C9: variants seen among roughly 807,000 people sequenced by gnomAD.
C9 encodes the protein complement component C9.
C9 carries 63 observed loss-of-function variants against 65.4 expected under a neutral mutation model. That is an observed-to-expected ratio of 0.96 (90% CI 0.79 to 1.19). C9 has a LOEUF of 1.19. Ranked by LOEUF, C9 falls within the 50% of genes most tolerant of loss-of-function variation. The pLI is 0.00. For missense variants in C9, 744 were observed against 670.1 expected, an observed-to-expected ratio of 1.11 and a Z score of -1.22; for synonymous variants, 229 against 227.9, an observed-to-expected ratio of 1.00 and a Z score of -0.04.
intron 4 of C9, among the ~76,000 whole-genome samples, chr5:39,337,896 A>C (rs978136949): frequency 6.6e-6 from 1 of 152,198 alleles, no homozygotes; most frequent in Non-Finnish European, 1.5e-5. Flanking sequence ...ATGTAGAAGA[A>C]TCTAACTGTA....
At chr5:39,304,044 A>G (rs1397986264) in intron 9 of C9, among the ~76,000 whole-genome samples, 1 of 152,192 alleles carries the variant, frequency 6.6e-6, no homozygotes, top group Non-Finnish European at 1.5e-5. Flanking sequence ...ATTTAATATT[A>G]GAAGTGTTTC....
chr5:39,286,242 C>G (rs1752989271), intron 10 of C9, among the ~76,000 whole-genome samples: 1 of 152,016 alleles, frequency 6.6e-6, no homozygotes, highest in Non-Finnish European at 1.5e-5. Flanking sequence ...GTTCATTATC[C>G]AGGGAAGACG....
chr5:39,347,457 A>C (rs1754223495), intron 1 of C9, among the ~76,000 whole-genome samples: 1 of 152,186 alleles, frequency 6.6e-6, no homozygotes, highest in Admixed American at 6.5e-5. Context: ...CAGGAATCCA[A>C]CTTACAAAGG....
In C9 at chr5:39,313,448, T is replaced by C. The variant is rs573804668; in HGVS notation, c.871-2071A>G. On this transcript the variant is annotated intron_variant, in intron 6 of 10. Coordinates refer to ENST00000263408, the MANE Select transcript of C9 (RefSeq NM_001737.5). ...TTGACACAGTTCATCACTCTCTTCT[T>C]CTTAATAGAGATTATTTTCTTGTCT... Among the ~76,000 whole-genome samples, 59 of 152,294 alleles carry C rather than the reference T, an allele frequency of 3.9e-4. 1 individual carries two copies. Among genetic ancestry groups the C allele is most frequent in the African/African-American group, 1.4e-3 (58 of 41,580 alleles).
At chr5:39,286,252 G>A (rs956318392) in intron 10 of C9, among the ~76,000 whole-genome samples, 9 of 151,878 alleles carry the variant, frequency 5.9e-5, no homozygotes, top group African/African-American at 1.7e-4. Flanking sequence ...CAGGGAAGAC[G>A]GGTTTCCACA....
At chr5:39,330,141 T>A (rs1320065650) in intron 5 of C9, among the ~76,000 whole-genome samples, 4 of 152,056 alleles carry the variant, frequency 2.6e-5, no homozygotes, top group Non-Finnish European at 5.9e-5. Context: ...TCACCTGAAC[T>A]AGTAAAAGGT....
chr5:39,286,172 T>C (rs1022888787), intron 10 of C9, among the ~76,000 whole-genome samples: 1 of 152,060 alleles, frequency 6.6e-6, no homozygotes, highest in Non-Finnish European at 1.5e-5. Context: ...CATAAAAATC[T>C]AGTGCAAGAC....
intron 1 of C9, among the ~76,000 whole-genome samples, chr5:39,352,389 C>T (rs1014001030): frequency 6.6e-6 from 1 of 152,228 alleles, no homozygotes; most frequent in African/African-American, 2.4e-5. Context: ...TTGGACCTTG[C>T]ACTTGAAGGT....
In C9 at chr5:39,315,700, A is replaced by G. The variant is rs1011416686; in HGVS notation, c.870+75T>C. 2.2e-5 allele frequency: 24 copies of G among 1,099,458 alleles called. No individual in the cohort carries two copies. In the African/African-American group the frequency reaches 3.5e-4, roughly 16 times the overall value. 68.1% of individuals were successfully genotyped at this position (1,099,458 alleles called of 1,614,324 possible). On this transcript the variant is annotated intron_variant, in intron 6 of 10. Transcript: ENST00000263408. The stretch of plus-strand genomic sequence containing the variant: ...GTTTCTTTTCCTTTTTATGATTTCT[A>G]TTTGCTCAAAATACTTAAAGAGTCT...
intron 1 of C9, among the ~76,000 whole-genome samples, chr5:39,352,996 G>A (rs1014574778): frequency 3.3e-5 from 5 of 152,112 alleles, no homozygotes; most frequent in African/African-American, 1.2e-4. Flanking sequence ...TATTTTGTTG[G>A]GCCCACTCTG....
intron 6 of C9, 37 bp from the exon 7 acceptor site, chr5:39,311,414 T>C (rs931150105): frequency 7.5e-6 from 12 of 1,599,914 alleles, no homozygotes; most frequent in Admixed American, 6.7e-5. Context: ...GAAACATGTG[T>C]TTTATCCACC....
chr5:39,305,064 T>C (rs747397079), intron 9 of C9, among the ~76,000 whole-genome samples: 10 of 152,172 alleles, frequency 6.6e-5, no homozygotes, highest in Non-Finnish European at 1.3e-4. Context: ...TTCACCTCGA[T>C]GTAAATATTC....
At chr5:39,348,923 G>A (rs1298986900) in intron 1 of C9, among the ~76,000 whole-genome samples, 4 of 141,508 alleles carry the variant, frequency 2.8e-5, no homozygotes, top group African/African-American at 5.2e-5. Flanking sequence ...TTGCAAGGAC[G>A]AAAAACCAAA....
Position 39,311,364 on chromosome 5 carries a change from A to G in C9, c.884T>C (p.Leu295Pro). The change falls in exon 7 of 11, where the codon CTG becomes CCG. Residue 295 changes from leucine (L) to proline (P), a missense_variant. Leu to Pro is a moderately conservative substitution (Grantham distance 98). Coordinates refer to ENST00000263408, the MANE Select transcript of C9 (RefSeq NM_001737.5). Reference protein sequence around the residue: ...SYSSKKEKMFLHVKGEIHLGR... With the variant: ...SYSSKKEKMFPHVKGEIHLGR... ...CAGATGAATTTCTCCTTTCACATGC[A>G]GAAACATTTTTTCCTGTGTTGTAGA... 1 of 1,612,472 alleles carries G rather than the reference A, an allele frequency of 6.2e-7. No individual in the cohort carries two copies. Among genetic ancestry groups the G allele is most frequent in the Non-Finnish European group, 8.5e-7 (1 of 1,179,084 alleles).
chr5:39,337,661 T>C (rs561272452), intron 4 of C9, among the ~76,000 whole-genome samples: 141 of 152,374 alleles, frequency 9.3e-4, no homozygotes, highest in African/African-American at 3.2e-3. Flanking sequence ...CAAAAAATAA[T>C]TCCTTGCATA....
chr5:39,355,304 A>G (rs1381660283), intron 1 of C9, among the ~76,000 whole-genome samples: 1 of 152,182 alleles, frequency 6.6e-6, no homozygotes, highest in East Asian at 1.9e-4. Context: ...AGGGCTATTC[A>G]TCTTTCCCAC....
At chr5:39,347,111 A>G (rs867707682) in intron 1 of C9, among the ~76,000 whole-genome samples, 1 of 152,246 alleles carries the variant, frequency 6.6e-6, no homozygotes, top group African/African-American at 2.4e-5. Flanking sequence ...AAAACTGGCA[A>G]AAGACAGGGA....
In C9 at chr5:39,292,252, A is replaced by G. The variant is rs185509638; in HGVS notation, c.1417-3301T>C. 2.9e-3 allele frequency among the ~76,000 whole-genome samples: 443 copies of G among 151,892 alleles called. 1 individual carries two copies. The highest frequency in any genetic ancestry group is 2.9e-3 in the Non-Finnish European group (195 of 67,894). On this transcript the variant is annotated intron_variant, in intron 9 of 10. Coordinates refer to ENST00000263408, the MANE Select transcript of C9 (RefSeq NM_001737.5). ...AAATGCTACAAGCAGAAGGTCAAAG[A>G]TAAGAGTTACAGCATACTGCTTATT...
At chr5:39,340,779 A>G (rs1241762267) in intron 4 of C9, among the ~76,000 whole-genome samples, 1 of 152,214 alleles carries the variant, frequency 6.6e-6, no homozygotes, top group Non-Finnish European at 1.5e-5. Context: ...TTTGAATTGA[A>G]TTGCTAGATC....
Sources: gnomAD v4.1 joint callset for allele counts (sites outside exome capture counted in the v4.1 genomes callset) on GRCh38, gnomAD v4.1.1 for gene constraint, MANE v1.5 for transcripts, NCBI Gene and HGNC (gene_info 2026-07-23, HGNC 2026-07-21) for gene names.